Variants in PFKFB3 observed in about 807,000 individuals in gnomAD.
PFKFB3 encodes the protein 6-phosphofructo-2-kinase/fructose-2,6-bisphosphatase 3.
Under a neutral mutation model 68.0 loss-of-function variants are expected in PFKFB3, and 33 were observed. The ratio of observed to expected loss-of-function variants is 0.49; its 90% CI spans 0.37 to 0.65. PFKFB3 has a LOEUF of 0.65. PFKFB3 is among the 30% of genes least tolerant of loss of function. The pLI is 0.00. For missense variants in PFKFB3, 586 were observed against 712.2 expected (o/e 0.82, Z 2.02); for synonymous variants, 315 against 288.2 (o/e 1.09, Z -0.94).
chr10:6,155,506 G>A (rs1329413860), intron 1 of PFKFB3, among the ~76,000 whole-genome samples: 1 of 152,018 alleles, frequency 6.6e-6, no homozygotes, highest in African/African-American at 2.4e-5. Context: ...ACCTGGCCGA[G>A]TTTTTTCACT....
intron 1 of PFKFB3, among the ~76,000 whole-genome samples, chr10:6,187,295 G>C (rs1184852150): frequency 3.3e-5 from 5 of 151,950 alleles, no homozygotes; most frequent in Admixed American, 6.6e-5. Context: ...AGGGAGGTGG[G>C]GGTTGCAGTG....
intron 1 of PFKFB3, among the ~76,000 whole-genome samples, chr10:6,192,896 A>G (rs1238981895): frequency 6.6e-6 from 1 of 152,046 alleles, no homozygotes; most frequent in Non-Finnish European, 1.5e-5. Flanking sequence ...GCTCATATCC[A>G]GTTTGGTCTT....
At chr10:6,238,968 A>G (rs1846083315), downstream of PFKFB3, among the ~76,000 whole-genome samples, 1 of 152,090 alleles carries the variant, frequency 6.6e-6, no homozygotes, top group South Asian at 2.1e-4. Flanking sequence ...CCAGTCTATC[A>G]TTGATGGGCA....
rs150662318 is a variant in PFKFB3, at chr10:6,184,165, G to A, written c.17-29458G>A. On this transcript the variant is annotated intron_variant, in intron 1 of 14. Coordinates refer to the PFKFB3 transcript ENST00000379789. ...CCTTCTGGGTTCAAGTGATCCTTGTGCGTCAGCCTCCCGAGTAGCTGGGGT... is the reference window on the plus strand; with the variant it reads ...CCTTCTGGGTTCAAGTGATCCTTGTACGTCAGCCTCCCGAGTAGCTGGGGT... 1.5e-3 allele frequency among the ~76,000 whole-genome samples: 230 copies of A among 152,014 alleles called. 5 individuals carry two copies. The highest frequency in any genetic ancestry group is 0.011 in the Admixed American group (167 of 15,250).
chr10:6,243,625 A>G (rs1288730213), intron 14 of PFKFB3, among the ~76,000 whole-genome samples: 1 of 152,242 alleles, frequency 6.6e-6, no homozygotes, highest in Non-Finnish European at 1.5e-5. Context: ...TCAACTTTGC[A>G]GAGCTCCTCA....
chr10:6,296,207 TTTTTC>T, the PFKFB3 span, among the ~76,000 whole-genome samples: 24 of 152,292 alleles, frequency 1.6e-4, no homozygotes, highest in Non-Finnish European at 2.8e-4. Flanking sequence ...CATTTTCTTT[TTTTTC>T]TTTTCTTTTC....
At chr10:6,179,546 A>AG (rs1795796053) in intron 1 of PFKFB3, among the ~76,000 whole-genome samples, 1 of 152,280 alleles carries the variant, frequency 6.6e-6, no homozygotes. Flanking sequence ...AATGAACAGA[A>AG]GGGTTTCTCT....
At position 6,231,029 on chromosome 10, in the gene PFKFB3, C is replaced by T. The variant is rs1301217282; in HGVS notation, c.1516-1866C>T. Among the ~76,000 whole-genome samples the T allele has an allele frequency of 5.9e-5, 9 of 152,142 alleles. No homozygotes were observed. The South Asian group carries it at 8.3e-4, about 14-fold the overall frequency. On this transcript the variant is annotated intron_variant, in intron 14 of 14. Coordinates refer to ENST00000379775, the MANE Select transcript of PFKFB3 (RefSeq NM_004566.4). ...CCACGCCCAGCCTAGAGTCTTCACC[C>T]CTGTGATCTTGGTTTCCCAGTAAGA...
intron 1 of PFKFB3, among the ~76,000 whole-genome samples, chr10:6,197,046 G>A (rs2131837687): frequency 6.6e-6 from 1 of 152,038 alleles, no homozygotes; most frequent in South Asian, 2.1e-4. Flanking sequence ...GTGCAATGGC[G>A]TGATCTCGGC....
chr10:6,231,681 C>T, intron 14 of PFKFB3: 1 of 754,986 alleles, frequency 1.3e-6, no homozygotes, highest in Non-Finnish European at 1.6e-6. Context: ...TGGGGCTCTC[C>T]CTAGATATGA....
intron 14 of PFKFB3, among the ~76,000 whole-genome samples, chr10:6,251,753 G>A (rs534125094): frequency 1.4e-3 from 215 of 152,204 alleles, no homozygotes; most frequent in African/African-American, 4.3e-3. Context: ...GGTGGATCAC[G>A]AGGTCAGGAG....
chr10:6,309,029 T>G, the PFKFB3 span, among the ~76,000 whole-genome samples: 12 of 152,018 alleles, frequency 7.9e-5, no homozygotes, highest in Non-Finnish European at 1.5e-4. Flanking sequence ...AACAAAACAC[T>G]GCACAAATAA....
Position 6,203,130 on chromosome 10 carries a change from C to A in PFKFB3, c.-131C>A. 4 of 1,489,944 alleles carry A rather than the reference C, an allele frequency of 2.7e-6. No homozygotes were observed. The highest frequency in any genetic ancestry group is 3.6e-6 in the Non-Finnish European group (4 of 1,122,428). The allele number at this position is 1,489,944 out of a possible 1,614,324, so 92.3% of individuals were successfully genotyped here. On this transcript the variant is annotated 5_prime_UTR_variant, in exon 1 of 15. Coordinates refer to ENST00000379775, the MANE Select transcript of PFKFB3 (RefSeq NM_004566.4). ...GCCCAAAGCACGTTTCCCCTGGCAGCGCAGGAAACGCCCGGCCGCGCGCCG... is the reference window on the plus strand; with the variant it reads ...GCCCAAAGCACGTTTCCCCTGGCAGAGCAGGAAACGCCCGGCCGCGCGCCG...
intron 1 of PFKFB3, among the ~76,000 whole-genome samples, chr10:6,195,447 G>C (rs1472720782): frequency 5.3e-5 from 8 of 152,296 alleles, no homozygotes; most frequent in Middle Eastern, 3.4e-3. Context: ...TAGTTCCATG[G>C]CTAAGCATGA....
the PFKFB3 span, among the ~76,000 whole-genome samples, chr10:6,271,014 G>A: frequency 6.6e-6 from 1 of 152,348 alleles, no homozygotes; most frequent in South Asian, 2.1e-4. Flanking sequence ...TGAAACGTGG[G>A]TTTGGATAAG....
upstream of PFKFB3, among the ~76,000 whole-genome samples, chr10:6,198,383 T>G (rs1843232228): frequency 6.6e-6 from 1 of 152,360 alleles, no homozygotes; most frequent in Admixed American, 6.5e-5. Flanking sequence ...TTGAGTCACT[T>G]CACCCAGAGC....
intron 1 of PFKFB3, among the ~76,000 whole-genome samples, chr10:6,163,375 T>A (rs562292386): frequency 6.6e-6 from 1 of 152,282 alleles, no homozygotes; most frequent in African/African-American, 2.4e-5. Context: ...AAAAGGAACT[T>A]TTAAGGTAAC....
At position 6,219,703 on chromosome 10, in the gene PFKFB3, G is replaced by A. The variant is rs370887552; in HGVS notation, c.623+10G>A. The A allele has an allele frequency of 2.7e-5, 43 of 1,612,434 alleles. No individual in the cohort carries two copies. The highest frequency in any genetic ancestry group is 1.7e-4 in the African/African-American group (13 of 74,880). ...CCGACAAATGCGACAGGTGATTCCC[G>A]TGGCTGGCCGTCTCTGCAAGACCCA... On this transcript the variant is annotated intron_variant, in intron 7 of 14. Coordinates refer to ENST00000379775, the MANE Select transcript of PFKFB3 (RefSeq NM_004566.4).
In PFKFB3 at chr10:6,158,593, C is replaced by T. The variant is rs117139146; in HGVS notation, c.16+13580C>T. Among the ~76,000 whole-genome samples, 1,328 of 152,258 alleles carry T rather than the reference C, an allele frequency of 8.7e-3. 18 individuals carry two copies. The highest frequency in any genetic ancestry group is 0.012 in the Non-Finnish European group (833 of 68,024). On this transcript the variant is annotated intron_variant, in intron 1 of 14. Coordinates refer to the PFKFB3 transcript ENST00000379789. Reference sequence around the variant, plus strand: ...GAAATTCACATACTTCGGCTAGGTGCGGTAGCTCACGCCTGTAATCCTAGC... The same window carrying T: ...GAAATTCACATACTTCGGCTAGGTGTGGTAGCTCACGCCTGTAATCCTAGC...
Sources: allele counts gnomAD v4.1 joint callset (sites outside exome capture counted in the v4.1 genomes callset), GRCh38; gene constraint gnomAD v4.1.1; transcripts MANE v1.5; gene names NCBI Gene and HGNC (gene_info 2026-07-23, HGNC 2026-07-21).